DPP10: variants seen among roughly 807,000 people sequenced by gnomAD.
DPP10 encodes dipeptidyl peptidase like 10.
A neutral mutation model predicts 120.9 loss-of-function variants in DPP10; 33 were observed. The observed-to-expected ratio is 0.27, with a 90% CI of 0.21 to 0.37. The LOEUF is 0.37. Among genes scored for constraint, DPP10 ranks in the 10% least tolerant of loss-of-function variants. The pLI, the probability that DPP10 is intolerant of heterozygous loss-of-function variation, is 1.00. For missense variants in DPP10, 816 were observed against 942.8 expected (o/e 0.87, Z 1.76); for synonymous variants, 337 against 326.1 (o/e 1.03, Z -0.36).
At chr2:115,186,407 T>C (rs1243192124) in intron 1 of DPP10, among the ~76,000 whole-genome samples, 3 of 152,210 alleles carry the variant, frequency 2.0e-5, no homozygotes, top group Non-Finnish European at 2.9e-5. Flanking sequence ...TACGGTGGAA[T>C]ACAAACAGAG....
At chr2:115,608,949 A>G (rs1017537720) in intron 5 of DPP10, among the ~76,000 whole-genome samples, 1 of 152,172 alleles carries the variant, frequency 6.6e-6, no homozygotes, top group Non-Finnish European at 1.5e-5. Flanking sequence ...AACAAATAAA[A>G]GATCAATTCA....
intron 3 of DPP10, among the ~76,000 whole-genome samples, chr2:115,380,164 T>A (rs948568514): frequency 6.6e-6 from 1 of 152,110 alleles, no homozygotes; most frequent in Non-Finnish European, 1.5e-5. Context: ...TTAAAGTCTC[T>A]CATTATTAAT....
At chr2:115,260,402 G>C (rs2059201001) in intron 1 of DPP10, among the ~76,000 whole-genome samples, 1 of 152,082 alleles carries the variant, frequency 6.6e-6, no homozygotes, top group Admixed American at 6.5e-5. Context: ...GAAACGTGAA[G>C]ATCATGTGAA....
intron 2 of DPP10, among the ~76,000 whole-genome samples, chr2:115,324,940 G>A (rs2062269866): frequency 6.6e-6 from 1 of 152,018 alleles, no homozygotes; most frequent in African/African-American, 2.4e-5. Context: ...AGAGAGACAG[G>A]GGATCAATTG....
intron 1 of DPP10, among the ~76,000 whole-genome samples, chr2:114,482,304 C>G (rs1010043110): frequency 6.6e-6 from 1 of 151,996 alleles, no homozygotes; most frequent in African/African-American, 2.4e-5. Context: ...GTGATAGAAG[C>G]CTTTTATTAT....
intron 8 of DPP10, among the ~76,000 whole-genome samples, chr2:115,732,950 T>C (rs1274923490): frequency 6.6e-6 from 1 of 152,118 alleles, no homozygotes; most frequent in East Asian, 1.9e-4. Flanking sequence ...AAACAACTAT[T>C]GTATTGGGAA....
chr2:115,644,312 C>T (rs1269520833), intron 5 of DPP10, among the ~76,000 whole-genome samples: 1 of 152,124 alleles, frequency 6.6e-6, no homozygotes, highest in Non-Finnish European at 1.5e-5. Context: ...TCCCTCCCCC[C>T]TCCGCCCACT....
chr2:114,925,577 T>C (rs1351345273), intron 1 of DPP10, among the ~76,000 whole-genome samples: 1 of 152,178 alleles, frequency 6.6e-6, no homozygotes, highest in Non-Finnish European at 1.5e-5. Flanking sequence ...AGTTTCACAA[T>C]ATTTTGGAGA....
At chr2:115,075,334 G>T (rs1411302385) in intron 1 of DPP10, among the ~76,000 whole-genome samples, 1 of 152,150 alleles carries the variant, frequency 6.6e-6, no homozygotes, top group East Asian at 1.9e-4. Flanking sequence ...GAAGCCAAAA[G>T]ATACAATCAG....
chr2:115,444,104 C>T (rs901532457), intron 3 of DPP10, among the ~76,000 whole-genome samples: 1 of 152,098 alleles, frequency 6.6e-6, no homozygotes, highest in South Asian at 2.1e-4. Context: ...GTAAGGTGCT[C>T]TGAAACAGGA....
intron 5 of DPP10, among the ~76,000 whole-genome samples, chr2:115,580,977 A>C (rs930166601): frequency 2.6e-5 from 4 of 152,194 alleles, no homozygotes; most frequent in African/African-American, 4.8e-5. Flanking sequence ...AATGAGGCCT[A>C]GAGAGGTTAG....
intron 1 of DPP10, among the ~76,000 whole-genome samples, chr2:115,188,990 A>G (rs2054667527): frequency 6.6e-6 from 1 of 152,240 alleles, no homozygotes; most frequent in Non-Finnish European, 1.5e-5. Flanking sequence ...AAAGGTAACT[A>G]TACTAAATTT....
chr2:115,551,699 T>C (rs2079883377), intron 5 of DPP10, among the ~76,000 whole-genome samples: 1 of 152,146 alleles, frequency 6.6e-6, no homozygotes, highest in Non-Finnish European at 1.5e-5. Flanking sequence ...TTTGCTCATA[T>C]ACTGTCAAAC....
At chr2:115,503,126 C>G (rs576224667) in intron 4 of DPP10, among the ~76,000 whole-genome samples, 1 of 152,030 alleles carries the variant, frequency 6.6e-6, no homozygotes, top group Non-Finnish European at 1.5e-5. Flanking sequence ...GTAGCCATAA[C>G]ACAGGAAGGA....
intron 3 of DPP10, among the ~76,000 whole-genome samples, chr2:115,494,195 G>A (rs1043005703): frequency 2.0e-5 from 3 of 151,970 alleles, no homozygotes; most frequent in Non-Finnish European, 4.4e-5. Flanking sequence ...CACCCACCTC[G>A]ACCTCCCAAA....
intron 1 of DPP10, among the ~76,000 whole-genome samples, chr2:114,654,914 T>C (rs924796944): frequency 6.6e-6 from 1 of 152,188 alleles, no homozygotes; most frequent in Non-Finnish European, 1.5e-5. Flanking sequence ...GTTCTGTTTC[T>C]CAAAAATGGG....
chr2:114,886,800 C>G (rs1574418569), intron 1 of DPP10, among the ~76,000 whole-genome samples: 1 of 152,182 alleles, frequency 6.6e-6, no homozygotes, highest in African/African-American at 2.4e-5. Flanking sequence ...CGAGGCCTTG[C>G]TCTGGCTGTA....
intron 5 of DPP10, among the ~76,000 whole-genome samples, chr2:115,607,671 A>T (rs2149240423): frequency 6.6e-6 from 1 of 152,312 alleles, no homozygotes. Context: ...ATTAGATTGT[A>T]TGCTTCATAT....
intron 1 of DPP10, among the ~76,000 whole-genome samples, chr2:115,220,924 T>C (rs2057117598): frequency 7.2e-6 from 1 of 139,410 alleles, no homozygotes. Flanking sequence ...TTTATATTCA[T>C]ATATAATATT....
Sources: allele counts gnomAD v4.1 joint callset (sites outside exome capture counted in the v4.1 genomes callset), GRCh38; gene constraint gnomAD v4.1.1; transcripts MANE v1.5; gene names NCBI Gene and HGNC (gene_info 2026-07-23, HGNC 2026-07-21).